Variants in CIITA observed in about 807,000 individuals in gnomAD.
CIITA encodes MHC class II transactivator.
Under a neutral mutation model 115.1 loss-of-function variants are expected in CIITA, and 72 were observed. That is an observed-to-expected ratio of 0.63 (90% CI 0.52 to 0.76). CIITA has a LOEUF of 0.76. Ranked by LOEUF, CIITA falls within the 30% of genes least tolerant of loss-of-function variation. The pLI, the probability that CIITA is intolerant of heterozygous loss-of-function variation, is 0.00. For synonymous variants in CIITA, 763 were observed against 635.6 expected (o/e 1.20, Z -3.02); for missense variants, 1,617 against 1,463.8 (o/e 1.10, Z -1.71).
chr16:10,904,079 A>G lies in CIITA; in HGVS notation c.937+184A>G, dbSNP rs146377355. On this transcript the variant is annotated intron_variant, in intron 9 of 19. Coordinates refer to ENST00000324288, the MANE Select transcript of CIITA (RefSeq NM_000246.4). ...CATGGTTGTGGGGGAATGGACAGCT[A>G]GAGAATCCACATCCCATCCAAATAC... Among the ~76,000 whole-genome samples the G allele has an allele frequency of 4.7e-3, 718 of 152,318 alleles. 1 individual carries two copies. Among genetic ancestry groups the G allele is most frequent in the Non-Finnish European group, 7.3e-3 (496 of 68,014 alleles).
Position 10,901,567 on chromosome 16 carries a change from G to A in CIITA, c.481+9G>A. The stretch of plus-strand genomic sequence containing the variant: ...GAAGCACTGGAAGCCAGGTGTGCAG[G>A]GCAGGTGGGCTGGGGTTGGGAAGGG... On this transcript the variant is annotated intron_variant, in intron 6 of 19. Transcript: ENST00000324288. The surrounding 1 kb of genome is among the most constrained non-coding windows in gnomAD (Gnocchi z 6.8). 6.2e-7 allele frequency: 1 copy of A among 1,613,792 alleles called. No individual in the cohort carries two copies.
chr16:10,923,785 T>C lies in CIITA; in HGVS notation c.*23-93T>C. The C allele has an allele frequency of 5.6e-6, 1 of 178,584 alleles. No individual in the cohort carries two copies. The highest frequency in any genetic ancestry group is 1.2e-4 in the South Asian group (1 of 8,002). The allele number at this position is 178,584 out of a possible 1,614,324, so 11.1% of individuals were successfully genotyped here. Reference sequence around the variant, plus strand: ...CACCTCCATTCCACTGCCCCTCCCATCCCCCCATCTTGATAGCACCCTTCC... The same window carrying C: ...CACCTCCATTCCACTGCCCCTCCCACCCCCCCATCTTGATAGCACCCTTCC... On this transcript the variant is annotated intron_variant, in intron 19 of 19. Transcript: ENST00000324288. This position sits in a 1 kb window ranked among gnomAD's most constrained non-coding sequence, Gnocchi z 5.2.
Position 10,922,207 on chromosome 16 carries a change from T to C in CIITA, c.3190T>C (p.Leu1064=). 1 of 1,614,240 alleles carries C rather than the reference T, an allele frequency of 6.2e-7. No homozygotes were observed. Among genetic ancestry groups the C allele is most frequent in the Non-Finnish European group, 8.5e-7 (1 of 1,180,038 alleles). The part of the protein sequence containing the change: ...NCICDVGAES[L]ARVLPDMVSL... The stretch of plus-strand genomic sequence containing the variant: ...CATCTGCGACGTGGGAGCCGAGAGC[T>C]TGGCTCGTGTGCTTCCGGACATGGT... The change falls in exon 17 of 20, where the codon TTG becomes CTG. Residue 1064 remains leucine, a synonymous_variant. Transcript: ENST00000324288.
chr16:10,878,441 G>C (rs1272931364), intron 1 of CIITA, among the ~76,000 whole-genome samples: 1 of 152,200 alleles, frequency 6.6e-6, no homozygotes, highest in Non-Finnish European at 1.5e-5. Flanking sequence ...GAAAAGGACC[G>C]GCAGGGCTCT....
At chr16:10,871,233 A>G (rs1055945471) in intron 1 of CIITA, among the ~76,000 whole-genome samples, 3 of 152,174 alleles carry the variant, frequency 2.0e-5, no homozygotes, top group African/African-American at 7.2e-5. Context: ...ACTCCCTGCA[A>G]GAGGAAGCTG....
intron 14 of CIITA, among the ~76,000 whole-genome samples, 200 bp from the exon 15 acceptor site, chr16:10,916,167 C>T (rs1395119659): frequency 6.6e-6 from 1 of 152,210 alleles, no homozygotes; most frequent in East Asian, 1.9e-4. Flanking sequence ...TTAGACTTTG[C>T]CCTCTGGCTG....
downstream of CIITA, chr16:10,939,638 G>A (rs545535498): frequency 6.6e-6 from 1 of 152,158 alleles, no homozygotes; most frequent in African/African-American, 2.4e-5. The surrounding 1 kb of genome is among the most constrained non-coding windows in gnomAD (Gnocchi z 4.9). Flanking sequence ...GGCTTTCTCT[G>A]ACCCCTCAGC....
intron 1 of CIITA, among the ~76,000 whole-genome samples, chr16:10,871,324 G>C (rs1156254595): frequency 6.6e-6 from 1 of 152,160 alleles, no homozygotes; most frequent in East Asian, 1.9e-4. Flanking sequence ...GTAAGTGGGG[G>C]CAACCTCAGC....
downstream of CIITA, chr16:10,937,797 T>C (rs949110456): frequency 6.6e-6 from 1 of 152,244 alleles, no homozygotes; most frequent in Non-Finnish European, 1.5e-5. This position sits in a 1 kb window ranked among gnomAD's most constrained non-coding sequence, Gnocchi z 4.2. Flanking sequence ...CCCCATTCCC[T>C]GCTCCTGGGC....
Position 10,922,464 on chromosome 16 carries a change from G to C in CIITA, c.3291G>C (p.Arg1097=). ...AGAQQLAASL[R]RCPHVETLAM... ...CCCAGCAGCTCGCTGCCAGCCTTCG[G>C]AGGTGTCCTCATGTGGAGACGCTGG... is the stretch of plus-strand genomic sequence containing the variant. The change falls in exon 18 of 20, where the codon CGG becomes CGC. Residue 1097 remains arginine (R), a synonymous_variant. Coordinates refer to ENST00000324288, the MANE Select transcript of CIITA (RefSeq NM_000246.4). 1 of 1,614,120 alleles carries C rather than the reference G, an allele frequency of 6.2e-7. No individual in the cohort carries two copies. The highest frequency in any genetic ancestry group is 8.5e-7 in the Non-Finnish European group (1 of 1,179,974).
At chr16:10,916,532 T>G in intron 15 of CIITA, 73 bp downstream of exon 15, 55 of 1,279,138 alleles carry the variant, frequency 4.3e-5, no homozygotes, top group Non-Finnish European at 5.3e-5. Context: ...AAAATTAATT[T>G]AAATTTGTTT....
In CIITA at chr16:10,879,383, G is replaced by A. The variant is rs977356587; in HGVS notation, c.52+2001G>A. 2.6e-5 allele frequency among the ~76,000 whole-genome samples: 4 copies of A among 152,156 alleles called. No homozygotes were observed. Among genetic ancestry groups the A allele is most frequent in the African/African-American group, 7.2e-5 (3 of 41,414 alleles). ...CCCCCGGCCACCCTTGGCCGACTCC[G>A]CGCGCCCGGGATCCTGCAGAGGTGC... On this transcript the variant is annotated intron_variant, in intron 1 of 19. Coordinates refer to ENST00000324288, the MANE Select transcript of CIITA (RefSeq NM_000246.4). The surrounding 1 kb of genome is among the most constrained non-coding windows in gnomAD (Gnocchi z 4.3).
intron 10 of CIITA, among the ~76,000 whole-genome samples, chr16:10,905,634 T>G (rs1009133093): frequency 6.6e-6 from 1 of 151,842 alleles, no homozygotes; most frequent in Admixed American, 6.6e-5. Context: ...TGGTAGTGGG[T>G]GCCTGTAATC....
rs1232544160 is a variant in CIITA at position 10,915,641 on chromosome 16, A to G, written c.2960A>G (p.Gln987Arg). ...VRILTAFSSL[Q>R]HLDLDALSEN... Reference sequence around the variant, plus strand: ...ATCCTCACGGCCTTTTCCTCCCTGCAGCATCTGGAGTGAGTATAGACTCTG... The same window carrying G: ...ATCCTCACGGCCTTTTCCTCCCTGCGGCATCTGGAGTGAGTATAGACTCTG... Residue 987 changes from glutamine (Q) to arginine (R), a missense_variant, in exon 14 of 20, where the codon CAG (glutamine) becomes CGG (arginine). Coordinates refer to ENST00000324288, the MANE Select transcript of CIITA (RefSeq NM_000246.4). 1 of 1,613,814 alleles carries G rather than the reference A, an allele frequency of 6.2e-7. No homozygotes were observed.
intron 3 of CIITA, among the ~76,000 whole-genome samples, chr16:10,898,129 A>G (rs966907721): frequency 1.3e-5 from 2 of 151,964 alleles, no homozygotes; most frequent in Admixed American, 1.3e-4. Flanking sequence ...TTTTTCTCGG[A>G]CTTCATGTCA....
At chr16:10,938,728 T>TGGCTTCCACCACTTCTCCA (rs2041062995), downstream of CIITA, 1 of 152,224 alleles carries the variant, frequency 6.6e-6, no homozygotes, top group Admixed American at 6.5e-5. This position sits in a 1 kb window ranked among gnomAD's most constrained non-coding sequence, Gnocchi z 4.9. Flanking sequence ...AGGCTGTGCA[T>TGGCTTCCACCACTTCTCCA]GGCTTCCACC....
chr16:10,874,603 C>G (rs538319401), upstream of CIITA, among the ~76,000 whole-genome samples: 2 of 152,360 alleles, frequency 1.3e-5, no homozygotes, highest in South Asian at 4.1e-4. Flanking sequence ...GTCACTTGCT[C>G]TGCTCAGAGA....
intron 1 of CIITA, among the ~76,000 whole-genome samples, chr16:10,881,986 G>A (rs192502631): frequency 1.3e-5 from 2 of 152,268 alleles, no homozygotes. Context: ...CATCCATGTC[G>A]TGCCATGTGT....
At position 10,878,892 on chromosome 16, in the gene CIITA, G is replaced by A. The variant is rs1596420828; in HGVS notation, c.52+1510G>A. On this transcript the variant is annotated intron_variant, in intron 1 of 19. Coordinates refer to ENST00000324288, the MANE Select transcript of CIITA (RefSeq NM_000246.4). The stretch of plus-strand genomic sequence containing the variant: ...CTCCACAGCCTGGCCCGAGCTCAGC[G>A]CTGCAGAAAGAAAGTGAAAGGGAAA... The A allele has an allele frequency of 1.3e-5, 3 of 228,696 alleles. 1 individual carries two copies. The highest frequency in any genetic ancestry group is 5.7e-5 in the Admixed American group (1 of 17,656). 14.2% of individuals were successfully genotyped at this position (228,696 alleles called of 1,614,324 possible). A position where few individuals can be genotyped will look rare whatever the true frequency, so the allele number is the denominator to read the frequency against.
Sources: gnomAD v4.1 joint callset for allele counts (sites outside exome capture counted in the v4.1 genomes callset) on GRCh38, gnomAD v4.1.1 for gene constraint, Gnocchi (gnomAD v3.1) non-coding constraint, MANE v1.5 for transcripts, NCBI Gene and HGNC (gene_info 2026-07-23, HGNC 2026-07-21) for gene names.